Variants in SLCO2A1 observed in about 807,000 individuals in gnomAD.
SLCO2A1 encodes the protein matrin F/G 1.
In SLCO2A1, 60 loss-of-function variants were observed where a neutral mutation model predicts 71.7. That is an observed-to-expected ratio of 0.84 (90% confidence interval 0.68 to 1.04). SLCO2A1 has a LOEUF of 1.04. Ranked by LOEUF, SLCO2A1 falls within the 50% of genes least tolerant of loss-of-function variation. The pLI is 0.00. For synonymous variants in SLCO2A1, 308 were observed against 326.7 expected, an observed-to-expected ratio of 0.94 and a Z score of 0.62; for missense variants, 745 against 813.4, an observed-to-expected ratio of 0.92 and a Z score of 1.02.
chr3:133,943,161 G>A (rs1374603253), intron 10 of SLCO2A1, among the ~76,000 whole-genome samples: 1 of 152,192 alleles, frequency 6.6e-6, no homozygotes, highest in Admixed American at 6.5e-5. Context: ...TATTGCAGAG[G>A]GAGGCATAAA....
chr3:133,956,400 T>G (rs1933899346), intron 3 of SLCO2A1, among the ~76,000 whole-genome samples: 1 of 152,208 alleles, frequency 6.6e-6, no homozygotes. Context: ...GCCCCACTGT[T>G]GTCTGCCCTC....
At chr3:133,957,183 T>C (rs191299804) in intron 3 of SLCO2A1, among the ~76,000 whole-genome samples, 1 of 152,300 alleles carries the variant, frequency 6.6e-6, no homozygotes, top group Admixed American at 6.5e-5. Context: ...CTTGCTCACT[T>C]AACACTGATG....
chr3:134,020,958 G>C lies in SLCO2A1; in HGVS notation c.96+8749C>G, dbSNP rs191640038. ...TTGATTTGAATTGCTTGACAGGATT[G>C]GTCTTGGGAACTTGCCCACTCCATT... On this transcript the variant is annotated intron_variant, in intron 1 of 13. Transcript: ENST00000310926. Among the ~76,000 whole-genome samples the C allele has an allele frequency of 1.5e-3, 227 of 146,466 alleles. 2 individuals are homozygous for C. In the South Asian group the frequency reaches 0.035, roughly 22 times the overall value.
intron 1 of SLCO2A1, chr3:133,998,889 C>A (rs1935039464): frequency 6.6e-6 from 1 of 152,350 alleles, no homozygotes. Context: ...CCTGGCATGG[C>A]CGGCTCAGGA....
chr3:133,942,575 G>A (rs367587663), intron 11 of SLCO2A1, 30 bp downstream of exon 11: 12 of 1,573,318 alleles, frequency 7.6e-6, no homozygotes, highest in Non-Finnish European at 1.0e-5. Context: ...GAGAAGCCAC[G>A]CCCCAGACTC....
At chr3:133,960,365 C>T (rs1209623322) in intron 3 of SLCO2A1, among the ~76,000 whole-genome samples, 1 of 152,132 alleles carries the variant, frequency 6.6e-6, no homozygotes, top group Non-Finnish European at 1.5e-5. Context: ...GAATATTATA[C>T]AGCTGTAAAA....
rs563622164 is a variant in SLCO2A1 at position 133,933,348 on chromosome 3, C to T, written c.*1365G>A. On this transcript the variant is annotated 3_prime_UTR_variant, in exon 14 of 14. Coordinates refer to ENST00000310926, the MANE Select transcript of SLCO2A1 (RefSeq NM_005630.3). Reference sequence around the variant, plus strand: ...TCACCAACTCCCACACCCCCAGTCCCACACTGCCCACCGAGCACACCCTGG... The same window carrying T: ...TCACCAACTCCCACACCCCCAGTCCTACACTGCCCACCGAGCACACCCTGG... 1.3e-5 allele frequency: 2 copies of T among 152,378 alleles called. No individual in the cohort carries two copies. The highest frequency in any genetic ancestry group is 1.3e-4 in the Admixed American group (2 of 15,294). 9.4% of individuals were successfully genotyped at this position (152,378 alleles called of 1,614,324 possible).
intron 9 of SLCO2A1, among the ~76,000 whole-genome samples, chr3:133,946,834 G>A (rs1197495851): frequency 2.0e-5 from 3 of 152,152 alleles, no homozygotes; most frequent in East Asian, 1.9e-4. Flanking sequence ...TCAAAAGTGG[G>A]CCGGGCGGGG....
At chr3:133,971,967 T>G (rs1934337552) in intron 3 of SLCO2A1, among the ~76,000 whole-genome samples, 1 of 152,204 alleles carries the variant, frequency 6.6e-6, no homozygotes, top group South Asian at 2.1e-4. Context: ...AAAAGCCCAC[T>G]GCAAATGGCT....
chr3:133,937,173 G>GC (rs1330637029), intron 12 of SLCO2A1, among the ~76,000 whole-genome samples: 2 of 152,294 alleles, frequency 1.3e-5, no homozygotes, highest in East Asian at 3.9e-4. Flanking sequence ...GCTCTTTAGA[G>GC]CCTATCCTAG....
intron 11 of SLCO2A1, among the ~76,000 whole-genome samples, chr3:133,939,126 T>C (rs76906503): frequency 0.17 from 26,326 of 152,206 alleles, 2,603 homozygotes; most frequent in Admixed American, 0.23. Flanking sequence ...GCTGCAGCTG[T>C]CTGGAAATTC....
At chr3:134,010,491 C>T (rs542002398) in intron 1 of SLCO2A1, among the ~76,000 whole-genome samples, 20 of 151,950 alleles carry the variant, frequency 1.3e-4, no homozygotes, top group Non-Finnish European at 2.5e-4. Flanking sequence ...CGGTGGCTCA[C>T]GCCTGTAATC....
intron 2 of SLCO2A1, among the ~76,000 whole-genome samples, chr3:133,978,019 AGAG>A (rs1934499352): frequency 6.6e-6 from 1 of 152,186 alleles, no homozygotes; most frequent in Admixed American, 6.5e-5. Context: ...CTGGAAGCTC[AGAG>A]GAGGAGGTCT....
At chr3:133,959,789 G>A (rs1933988636) in intron 3 of SLCO2A1, among the ~76,000 whole-genome samples, 1 of 152,012 alleles carries the variant, frequency 6.6e-6, no homozygotes, top group African/African-American at 2.4e-5. Context: ...TCCTGCCACT[G>A]CCTGGGCGAC....
At chr3:133,973,960 G>GAACT in intron 2 of SLCO2A1, 135 bp from the exon 3 acceptor site, 4 of 893,304 alleles carry the variant, frequency 4.5e-6, no homozygotes, top group South Asian at 1.8e-5. Flanking sequence ...GGCCCAGACA[G>GAACT]AGTTACAGTG....
chr3:133,960,125 T>C (rs1306765794), intron 3 of SLCO2A1, among the ~76,000 whole-genome samples: 1 of 71,954 alleles, frequency 1.4e-5, no homozygotes, highest in Non-Finnish European at 2.9e-5. Flanking sequence ...GTCTCAAAAA[T>C]AAATAAATAA....
Position 133,933,632 on chromosome 3 carries a change from A to G in SLCO2A1, c.*1081T>C, listed in dbSNP as rs572311858. Reference sequence around the variant, plus strand: ...GGTATGAGCATGTCTGAAACCAGGAAAGCCAACCTGACTGGCTGTTTTGTG... The same window carrying G: ...GGTATGAGCATGTCTGAAACCAGGAGAGCCAACCTGACTGGCTGTTTTGTG... On this transcript the variant is annotated 3_prime_UTR_variant, in exon 14 of 14. Transcript: ENST00000310926. 2 of 152,336 alleles carry G rather than the reference A, an allele frequency of 1.3e-5. No homozygotes were observed. Among genetic ancestry groups the G allele is most frequent in the East Asian group, 3.9e-4 (2 of 5,180 alleles). 9.4% of individuals were successfully genotyped at this position (152,336 alleles called of 1,614,324 possible).
intron 1 of SLCO2A1, among the ~76,000 whole-genome samples, chr3:134,009,561 T>C (rs1935288680): frequency 6.6e-6 from 1 of 152,212 alleles, no homozygotes. Flanking sequence ...TTCTTTCACT[T>C]AGAAATCAAG....
chr3:133,949,711 C>G lies in SLCO2A1; in HGVS notation c.862-740G>C, dbSNP rs570111338. ...CAGTATTCATATGCTTTGTCTCATT[C>G]CTCACAACGCTTTCCCATACTGCTA... On this transcript the variant is annotated intron_variant, in intron 6 of 13. Transcript: ENST00000310926. 7.9e-5 allele frequency among the ~76,000 whole-genome samples: 12 copies of G among 152,350 alleles called. No homozygotes were observed. The South Asian group carries it at 2.3e-3, about 29-fold the overall frequency.
Sources: gnomAD v4.1 joint callset for allele counts (sites outside exome capture counted in the v4.1 genomes callset) on GRCh38, gnomAD v4.1.1 for gene constraint, MANE v1.5 for transcripts, NCBI Gene and HGNC (gene_info 2026-07-23, HGNC 2026-07-21) for gene names.